DRC8: variants seen among roughly 807,000 people sequenced by gnomAD.
The protein encoded by DRC8 is dynein regulatory complex subunit 8, also known as dynein regulatory complex protein 8.
the DRC8 span, among the ~76,000 whole-genome samples, chr1:245,065,848 G>A: frequency 1.3e-5 from 2 of 151,482 alleles, no homozygotes; most frequent in Non-Finnish European, 2.9e-5. Flanking sequence ...CTGCCAGTTC[G>A]GACACCTTCT....
At chr1:245,083,313 CT>C in the DRC8 span, 4 of 800,758 alleles carry the variant, frequency 5.0e-6, no homozygotes, top group Non-Finnish European at 8.4e-6. Flanking sequence ...CTCCCCTCCC[CT>C]GGTCTGTGGA....
the DRC8 span, among the ~76,000 whole-genome samples, chr1:244,999,214 C>T: frequency 2.0e-5 from 3 of 150,850 alleles, no homozygotes; most frequent in African/African-American, 7.3e-5. Flanking sequence ...AGAAGTCTGC[C>T]TTTAAGCCTC....
At chr1:245,017,337 A>AT in the DRC8 span, 8,170 of 1,267,620 alleles carry the variant, frequency 6.4e-3, no homozygotes, top group South Asian at 0.012. Flanking sequence ...GTGTGGAAAT[A>AT]TTTTTTTTTT....
the DRC8 span, among the ~76,000 whole-genome samples, chr1:245,064,640 GT>G: frequency 6.6e-6 from 1 of 151,480 alleles, no homozygotes; most frequent in East Asian, 1.9e-4. Flanking sequence ...ATGTTTGAAA[GT>G]GATTATGCTA....
At chr1:245,019,429 C>T in the DRC8 span, among the ~76,000 whole-genome samples, 1 of 152,148 alleles carries the variant, frequency 6.6e-6, no homozygotes, top group Non-Finnish European at 1.5e-5. Flanking sequence ...ACTCTGTCCT[C>T]CAGGCTAGAT....
the DRC8 span, among the ~76,000 whole-genome samples, chr1:245,109,501 C>T: frequency 6.6e-6 from 1 of 152,216 alleles, no homozygotes; most frequent in Non-Finnish European, 1.5e-5. Flanking sequence ...CAAGCACCCT[C>T]ATGCCGGTAC....
chr1:244,990,702 C>T, the DRC8 span, among the ~76,000 whole-genome samples: 1 of 152,112 alleles, frequency 6.6e-6, no homozygotes, highest in African/African-American at 2.4e-5. Context: ...AGGCTGGAAT[C>T]TCGATTTACT....
chr1:245,066,513 A>G, the DRC8 span, among the ~76,000 whole-genome samples: 1 of 152,216 alleles, frequency 6.6e-6, no homozygotes, highest in Non-Finnish European at 1.5e-5. Context: ...CCAAACTGAT[A>G]TAGAGGATAA....
the DRC8 span, among the ~76,000 whole-genome samples, chr1:245,074,626 ACACTTG>A: frequency 6.6e-6 from 1 of 152,220 alleles, no homozygotes; most frequent in African/African-American, 2.4e-5. Context: ...TCTGTTTTTA[ACACTTG>A]CACTTAAATA....
chr1:245,078,024 G>A, the DRC8 span, among the ~76,000 whole-genome samples: 3 of 151,582 alleles, frequency 2.0e-5, no homozygotes, highest in Non-Finnish European at 4.4e-5. Context: ...AAACAAAAAC[G>A]ACCTAATTAA....
At chr1:245,100,246 A>C in the DRC8 span, among the ~76,000 whole-genome samples, 2 of 152,154 alleles carry the variant, frequency 1.3e-5, no homozygotes, top group African/African-American at 4.8e-5. Context: ...TTAGCTGGAC[A>C]TAGCGGCATG....
At chr1:245,052,781 C>T in the DRC8 span, among the ~76,000 whole-genome samples, 1 of 152,230 alleles carries the variant, frequency 6.6e-6, no homozygotes, top group African/African-American at 2.4e-5. Context: ...GAGAGATACA[C>T]ACCTGGTGGC....
At chr1:245,017,337 ATT>A in the DRC8 span, 247 of 1,315,286 alleles carry the variant, frequency 1.9e-4, no homozygotes, top group South Asian at 1.1e-3. Flanking sequence ...GTGTGGAAAT[ATT>A]TTTTTTTTTG....
chr1:245,070,154 T>TGA, the DRC8 span, among the ~76,000 whole-genome samples: 7 of 152,302 alleles, frequency 4.6e-5, no homozygotes, highest in African/African-American at 1.7e-4. Context: ...TTGGTATCCA[T>TGA]GAGGAGTCCG....
chr1:245,021,581 G>A, the DRC8 span, among the ~76,000 whole-genome samples: 4 of 152,016 alleles, frequency 2.6e-5, no homozygotes, highest in Admixed American at 2.0e-4. Flanking sequence ...GATTACAGGT[G>A]CCCACCACCA....
chr1:245,096,898 T>A, the DRC8 span, among the ~76,000 whole-genome samples: 1 of 152,346 alleles, frequency 6.6e-6, no homozygotes, highest in South Asian at 2.1e-4. Flanking sequence ...GTTGCCCATC[T>A]GTAAGTGACA....
At chr1:245,059,512 C>T in the DRC8 span, 2 of 1,443,388 alleles carry the variant, frequency 1.4e-6, no homozygotes, top group Non-Finnish European at 1.9e-6. Context: ...AGAGCTACTC[C>T]TTGTAATTAA....
chr1:245,008,670 CTT>C, the DRC8 span, among the ~76,000 whole-genome samples: 2 of 139,326 alleles, frequency 1.4e-5, no homozygotes, highest in Non-Finnish European at 1.5e-5. Flanking sequence ...TGTTCTCACA[CTT>C]TTTTTTTTTT....
the DRC8 span, chr1:245,123,219 A>G: frequency 4.6e-5 from 7 of 152,156 alleles, no homozygotes; most frequent in Non-Finnish European, 7.4e-5. This position sits in a 1 kb window ranked among gnomAD's most constrained non-coding sequence, Gnocchi z 5.0. Context: ...TTTTGGCTGG[A>G]AAAGGGTATT....
Sources: allele counts gnomAD v4.1 joint callset (sites outside exome capture counted in the v4.1 genomes callset), GRCh38; gene constraint gnomAD v4.1.1; non-coding constraint Gnocchi (gnomAD v3.1); transcripts MANE v1.5; gene names NCBI Gene and HGNC (gene_info 2026-07-23, HGNC 2026-07-21).